Variants in ULK4 observed in about 807,000 individuals in gnomAD.
ULK4 encodes unc-51 like kinase 4.
In ULK4, 133 loss-of-function variants were observed where a neutral mutation model predicts 160.6. The observed-to-expected ratio is 0.83, with a 90% CI of 0.72 to 0.96. The LOEUF (loss-of-function observed/expected upper bound fraction) is 0.96, where lower values mean the gene tolerates loss of function less well. Among genes scored for constraint, ULK4 ranks in the 40% least tolerant of loss-of-function variants. ULK4 has a pLI of 0.00. For missense variants in ULK4, 1,580 were observed against 1,499.5 expected (o/e 1.05, Z -0.89); for synonymous variants, 534 against 539.8 (o/e 0.99, Z 0.15).
chr3:41,714,852 T>TAAAAAAAAAAAAAAAAA (rs60470015), intron 25 of ULK4, among the ~76,000 whole-genome samples: 3 of 131,354 alleles, frequency 2.3e-5, no homozygotes, highest in African/African-American at 6.6e-5. Context: ...ACTCTGTCTT[T>TAAAAAAAAAAAAAAAAA]AAAAAAAAAA....
At chr3:41,752,876 G>C (rs967946941) in intron 22 of ULK4, among the ~76,000 whole-genome samples, 5 of 152,028 alleles carry the variant, frequency 3.3e-5, no homozygotes, top group African/African-American at 9.7e-5. Context: ...TATTACAAAA[G>C]AAAAATTTCA....
At chr3:41,617,443 G>A (rs2033030675) in intron 30 of ULK4, among the ~76,000 whole-genome samples, 1 of 152,208 alleles carries the variant, frequency 6.6e-6, no homozygotes. Flanking sequence ...AATCTTTGCT[G>A]TTCTGCAGCC....
At position 41,661,960 on chromosome 3, in the gene ULK4, T is replaced by C. The variant is rs915690071; in HGVS notation, c.3071+1647A>G. Reference sequence around the variant, plus strand: ...TAGAGTTGGCAAGAAGGAAAAGGAGTCTAGAAAACGTGACATGTGGAATGA... The same window carrying C: ...TAGAGTTGGCAAGAAGGAAAAGGAGCCTAGAAAACGTGACATGTGGAATGA... On this transcript the variant is annotated intron_variant, in intron 30 of 36. Transcript: ENST00000301831. Among the ~76,000 whole-genome samples, 5 of 152,020 alleles carry C rather than the reference T, an allele frequency of 3.3e-5. No homozygotes were observed. In the South Asian group the frequency reaches 1.0e-3, roughly 32 times the overall value.
intron 32 of ULK4, among the ~76,000 whole-genome samples, chr3:41,544,875 AGT>A: frequency 6.6e-6 from 1 of 152,282 alleles, no homozygotes; most frequent in African/African-American, 2.4e-5. Flanking sequence ...TGACCTCTAC[AGT>A]GTTTTTGAAG....
chr3:41,901,562 C>A (rs1364051208), intron 12 of ULK4, among the ~76,000 whole-genome samples: 1 of 144,990 alleles, frequency 6.9e-6, no homozygotes, highest in East Asian at 2.1e-4. Context: ...CTCACCGCAA[C>A]CTCTGCCTCC....
intron 20 of ULK4, among the ~76,000 whole-genome samples, chr3:41,794,811 G>C (rs2040257932): frequency 6.6e-6 from 1 of 151,904 alleles, no homozygotes; most frequent in African/African-American, 2.4e-5. Context: ...GCTGAGACCT[G>C]AAATAAGGAA....
At chr3:41,957,448 CAAAA>C (rs11455719) in intron 1 of ULK4, among the ~76,000 whole-genome samples, 10 of 97,254 alleles carry the variant, frequency 1.0e-4, no homozygotes, top group East Asian at 2.7e-4. Context: ...GAGCACCACT[CAAAA>C]AAAAAAAAAA....
intron 30 of ULK4, among the ~76,000 whole-genome samples, chr3:41,650,356 A>T (rs2034689349): frequency 6.6e-6 from 1 of 152,206 alleles, no homozygotes; most frequent in African/African-American, 2.4e-5. Flanking sequence ...GCTGCAGCCC[A>T]TCAAGGAGCC....
chr3:41,564,640 G>A (rs1042989167), intron 32 of ULK4, among the ~76,000 whole-genome samples: 1 of 151,626 alleles, frequency 6.6e-6, no homozygotes, highest in Non-Finnish European at 1.5e-5. Flanking sequence ...TCTATTTTTA[G>A]TAGAGATGGG....
At chr3:41,564,959 T>C (rs2087735773) in intron 32 of ULK4, among the ~76,000 whole-genome samples, 1 of 152,190 alleles carries the variant, frequency 6.6e-6, no homozygotes, top group African/African-American at 2.4e-5. Context: ...ATCTTTTATA[T>C]CATATGTTTG....
intron 32 of ULK4, among the ~76,000 whole-genome samples, chr3:41,472,299 T>G (rs2084014093): frequency 1.3e-5 from 2 of 152,084 alleles, no homozygotes; most frequent in Non-Finnish European, 2.9e-5. Flanking sequence ...CTGGGCATGG[T>G]GGCTCATGCC....
intron 35 of ULK4, among the ~76,000 whole-genome samples, chr3:41,271,280 A>G (rs1428513820): frequency 6.6e-6 from 1 of 152,098 alleles, no homozygotes; most frequent in African/African-American, 2.4e-5. Flanking sequence ...GCTACTTTGC[A>G]TATCCTAAAA....
intron 19 of ULK4, among the ~76,000 whole-genome samples, chr3:41,817,610 G>A (rs990458265): frequency 9.9e-5 from 15 of 152,000 alleles, no homozygotes; most frequent in Non-Finnish European, 1.5e-4. Context: ...ACAGACACTG[G>A]AGACTTCTAG....
rs1401008508 is a variant in ULK4 at position 41,531,291 on chromosome 3, A to C, written c.3226+34734T>G. Among the ~76,000 whole-genome samples the C allele has an allele frequency of 6.0e-5, 9 of 151,116 alleles. No homozygotes were observed. The East Asian group carries it at 1.8e-3, about 31-fold the overall frequency. ...CCTGTCTCTACTAAAAATACAAAAA[A>C]TTAGCCAGGTATGGTGGTGGGCGCC... On this transcript the variant is annotated intron_variant, in intron 32 of 36. Transcript: ENST00000301831.
In ULK4 at chr3:41,416,657, T is replaced by G. The variant is rs563995677; in HGVS notation, c.3493-18393A>C. ...AGGAAAAAGAAAAGGAGAAAAGAGATCCACAATAAAATTATTAGGAAACAC... is the reference window on the plus strand; with the variant it reads ...AGGAAAAAGAAAAGGAGAAAAGAGAGCCACAATAAAATTATTAGGAAACAC... On this transcript the variant is annotated intron_variant, in intron 34 of 36. Coordinates refer to ENST00000301831, the MANE Select transcript of ULK4 (RefSeq NM_017886.4). Among the ~76,000 whole-genome samples, 8 of 152,186 alleles carry G rather than the reference T, an allele frequency of 5.3e-5. 1 individual carries two copies. In the South Asian group the frequency reaches 1.7e-3, roughly 32 times the overall value.
chr3:41,326,954 A>G (rs754232732), intron 35 of ULK4, among the ~76,000 whole-genome samples: 1 of 152,238 alleles, frequency 6.6e-6, no homozygotes, highest in Non-Finnish European at 1.5e-5. Context: ...GCTCTTGACT[A>G]AATGCAATCT....
At chr3:41,539,019 A>G (rs1691982) in intron 32 of ULK4, among the ~76,000 whole-genome samples, 76,040 of 148,262 alleles carry the variant, frequency 0.51, 19,519 homozygotes, top group Middle Eastern at 0.56. Context: ...ATGCTTTCAT[A>G]ACAATCTTTT....
chr3:41,673,400 C>T (rs2035601682), intron 29 of ULK4, among the ~76,000 whole-genome samples: 1 of 152,100 alleles, frequency 6.6e-6, no homozygotes, highest in African/African-American at 2.4e-5. Flanking sequence ...TGTGTTGCCA[C>T]TAATAGAATC....
chr3:41,318,269 C>G (rs1014820046), intron 35 of ULK4, among the ~76,000 whole-genome samples: 12 of 151,972 alleles, frequency 7.9e-5, no homozygotes, highest in Admixed American at 7.9e-4. Context: ...TAATTAGAGT[C>G]TCAAAAAAAT....
Sources: gnomAD v4.1 joint callset for allele counts (sites outside exome capture counted in the v4.1 genomes callset) on GRCh38, gnomAD v4.1.1 for gene constraint, MANE v1.5 for transcripts, NCBI Gene and HGNC (gene_info 2026-07-23, HGNC 2026-07-21) for gene names.